Variants in TRPS1 observed in about 807,000 individuals in gnomAD.
TRPS1 encodes the protein transcriptional repressor GATA binding 1.
TRPS1 carries 6 observed loss-of-function variants against 101.2 expected under a neutral mutation model. The ratio of observed to expected loss-of-function variants is 0.06; its 90% confidence interval spans 0.03 to 0.12. TRPS1 has a LOEUF of 0.12. TRPS1 is among the 10% of genes least tolerant of loss of function. The probability of loss-of-function intolerance (pLI) is 1.00; values close to 1 mark genes in which losing one functional copy is unlikely to be tolerated. For synonymous variants in TRPS1, 578 were observed against 589.8 expected (o/e 0.98, Z 0.29); for missense variants, 1,363 against 1,567.0 (o/e 0.87, Z 2.20).
At chr8:115,616,690 C>T (rs1299947564) in intron 3 of TRPS1, among the ~76,000 whole-genome samples, 5 of 152,046 alleles carry the variant, frequency 3.3e-5, no homozygotes, top group East Asian at 1.9e-4. Flanking sequence ...TAAAATTGAA[C>T]GATTGTCTGT....
chr8:115,535,528 T>C (rs1816294350), intron 5 of TRPS1, among the ~76,000 whole-genome samples: 1 of 148,990 alleles, frequency 6.7e-6, no homozygotes, highest in Admixed American at 6.7e-5. Context: ...ATAGCGCATA[T>C]ATAGCGCATA....
intron 5 of TRPS1, among the ~76,000 whole-genome samples, chr8:115,585,938 G>A (rs1791100279): frequency 6.6e-6 from 1 of 152,152 alleles, no homozygotes; most frequent in African/African-American, 2.4e-5. Context: ...GCACAGATAG[G>A]CTTCAGAGAA....
intron 5 of TRPS1, among the ~76,000 whole-genome samples, chr8:115,544,656 AAC>A (rs1816529805): frequency 6.6e-6 from 1 of 152,186 alleles, no homozygotes; most frequent in Non-Finnish European, 1.5e-5. Flanking sequence ...CAAGGATTCA[AAC>A]ACAACCATTT....
chr8:115,478,900 T>G (rs1206027119), intron 5 of TRPS1, among the ~76,000 whole-genome samples: 1 of 148,588 alleles, frequency 6.7e-6, no homozygotes, highest in African/African-American at 2.5e-5. Flanking sequence ...TGTGTATATA[T>G]GTATATAAAT....
At chr8:115,620,264 C>G (rs1818365459) in intron 2 of TRPS1, among the ~76,000 whole-genome samples, 1 of 151,476 alleles carries the variant, frequency 6.6e-6, no homozygotes, top group Non-Finnish European at 1.5e-5. Flanking sequence ...CTTTTGTAAC[C>G]AAGACTGGCT....
intron 5 of TRPS1, among the ~76,000 whole-genome samples, chr8:115,494,831 G>C (rs1815109589): frequency 6.6e-6 from 1 of 152,158 alleles, no homozygotes; most frequent in African/African-American, 2.4e-5. Flanking sequence ...GCTTAATACT[G>C]CTTTTCCTTC....
Position 115,604,451 on chromosome 8 carries a change from C to G in TRPS1, c.1518G>C (p.Glu506Asp). 1.2e-6 allele frequency: 2 copies of G among 1,614,088 alleles called. No individual in the cohort carries two copies. The highest frequency in any genetic ancestry group is 1.3e-5 in the African/African-American group (1 of 75,020). ...AGCTCTTGTCTGTCTTGGTCATTGT[C>G]TCTCCTTCTGAACTTTTGGCTAGAT... is the stretch of plus-strand genomic sequence containing the variant. ...QNDLAKSSEG[E>D]TMTKTDKSSS... The change falls in exon 4 of 7, where the codon GAG becomes GAC. Residue 506 changes from glutamate to aspartate, a missense_variant. Glu to Asp is a conservative substitution (Grantham distance 45, BLOSUM62 2). Transcript: ENST00000395715. This position sits in a 1 kb window ranked among gnomAD's most constrained non-coding sequence, Gnocchi z 4.1.
chr8:115,510,704 G>A (rs1815562462), intron 5 of TRPS1, among the ~76,000 whole-genome samples: 1 of 151,692 alleles, frequency 6.6e-6, no homozygotes, highest in Admixed American at 6.6e-5. Flanking sequence ...TTACTTTTTT[G>A]CACAGCTCAA....
At chr8:115,585,793 G>T (rs190830794) in intron 5 of TRPS1, among the ~76,000 whole-genome samples, 1 of 152,186 alleles carries the variant, frequency 6.6e-6, no homozygotes, top group Admixed American at 6.5e-5. Flanking sequence ...TCTGTACAGG[G>T]GGCATCTCCT....
chr8:115,589,740 A>G lies in TRPS1; in HGVS notation c.2097-2136T>C, dbSNP rs1455620980. Among the ~76,000 whole-genome samples the G allele has an allele frequency of 1.2e-4, 19 of 152,316 alleles. 1 individual carries two copies. Among genetic ancestry groups the G allele is most frequent in the Non-Finnish European group, 2.9e-5 (2 of 68,036 alleles). On this transcript the variant is annotated intron_variant, in intron 4 of 6. Transcript: ENST00000395715. ...GGCCAGAAAATTCAAAAACAGGACT[A>G]AGAATACAAAAGACAATAGACAATA...
chr8:115,426,024 T>C (rs74546923), intron 5 of TRPS1, among the ~76,000 whole-genome samples: 1,893 of 152,304 alleles, frequency 0.012, 38 homozygotes, highest in African/African-American at 0.043. Context: ...TTTTTTTCAT[T>C]CCACGTGAAA....
At chr8:115,640,100 T>C (rs1370020416) in intron 1 of TRPS1, among the ~76,000 whole-genome samples, 1 of 152,170 alleles carries the variant, frequency 6.6e-6, no homozygotes, top group Non-Finnish European at 1.5e-5. Flanking sequence ...GAGAAAGTCT[T>C]AAGAAAGATT....
At chr8:115,451,973 C>G (rs79511949) in intron 5 of TRPS1, among the ~76,000 whole-genome samples, 5,732 of 152,232 alleles carry the variant, frequency 0.038, 353 homozygotes, top group African/African-American at 0.13. Context: ...CCCCAACCCC[C>G]ACTTCTAAAA....
chr8:115,507,228 A>G (rs75076967), intron 5 of TRPS1, among the ~76,000 whole-genome samples: 2,365 of 152,174 alleles, frequency 0.016, 52 homozygotes, highest in African/African-American at 0.054. Context: ...TCGTTTGTCT[A>G]AAACAATTAG....
intron 5 of TRPS1, among the ~76,000 whole-genome samples, chr8:115,566,615 A>G (rs1326712388): frequency 6.6e-6 from 1 of 152,094 alleles, no homozygotes. Context: ...GAAAACAGAA[A>G]AAAAAACAGA....
intron 5 of TRPS1, among the ~76,000 whole-genome samples, chr8:115,485,558 G>T (rs1280123559): frequency 6.6e-6 from 1 of 152,124 alleles, no homozygotes; most frequent in Non-Finnish European, 1.5e-5. Flanking sequence ...CATGCTTGCT[G>T]AGTCATACCA....
intron 3 of TRPS1, among the ~76,000 whole-genome samples, chr8:115,617,895 A>C (rs571769416): frequency 6.6e-6 from 1 of 152,330 alleles, no homozygotes; most frequent in East Asian, 1.9e-4. Context: ...TACCAAGATG[A>C]AACTGGTGTT....
At chr8:115,419,863 C>A (rs985447925) in intron 5 of TRPS1, among the ~76,000 whole-genome samples, 9 of 152,176 alleles carry the variant, frequency 5.9e-5, no homozygotes, top group Non-Finnish European at 1.0e-4. Context: ...CTTGCAATTG[C>A]TGATGCCTGC....
In TRPS1 at chr8:115,555,832, G is replaced by A. The variant is rs145848438; in HGVS notation, c.2700+31169C>T. The stretch of plus-strand genomic sequence containing the variant: ...AGCCTGAGCAACATGGTAAAATCTC[G>A]TCTCTACAAAAAATACAAACAAACA... On this transcript the variant is annotated intron_variant, in intron 5 of 6. Coordinates refer to ENST00000395715, the MANE Select transcript of TRPS1 (RefSeq NM_014112.5). 1.6e-3 allele frequency among the ~76,000 whole-genome samples: 234 copies of A among 149,326 alleles called. 2 individuals are homozygous for A. Among genetic ancestry groups the A allele is most frequent in the Non-Finnish European group, 1.8e-3 (123 of 67,762 alleles).
Sources: allele counts gnomAD v4.1 joint callset (sites outside exome capture counted in the v4.1 genomes callset), GRCh38; gene constraint gnomAD v4.1.1; non-coding constraint Gnocchi (gnomAD v3.1); transcripts MANE v1.5; gene names NCBI Gene and HGNC (gene_info 2026-07-23, HGNC 2026-07-21).